ANAPC1: variants seen among roughly 807,000 people sequenced by gnomAD.
The protein encoded by ANAPC1 is anaphase-promoting complex subunit 1.
ANAPC1 carries 36 observed loss-of-function variants against 208.0 expected under a neutral mutation model. The observed-to-expected ratio is 0.17, with a 90% CI of 0.13 to 0.23. The LOEUF is 0.23. Among genes scored for constraint, ANAPC1 ranks in the 10% least tolerant of loss-of-function variants. The pLI, the probability that ANAPC1 is intolerant of heterozygous loss-of-function variation, is 1.00. For synonymous variants in ANAPC1, 378 were observed against 695.2 expected (o/e 0.54, Z 7.18); for missense variants, 942 against 2,011.6 (o/e 0.47, Z 10.17).
chr2:111,801,778 A>G (rs1678456578), intron 33 of ANAPC1, among the ~76,000 whole-genome samples: 1 of 149,160 alleles, frequency 6.7e-6, no homozygotes, highest in African/African-American at 2.5e-5. Context: ...AATATCACCA[A>G]AGTTTAGAGG....
At chr2:111,817,485 G>T (rs921075200) in intron 27 of ANAPC1, among the ~76,000 whole-genome samples, 1 of 151,708 alleles carries the variant, frequency 6.6e-6, no homozygotes, top group East Asian at 1.9e-4. Context: ...TTTGCCATAG[G>T]TGCTTTACCT....
intron 1 of ANAPC1, among the ~76,000 whole-genome samples, chr2:111,883,355 A>C (rs1447960464): frequency 2.6e-5 from 4 of 152,140 alleles, no homozygotes; most frequent in African/African-American, 4.8e-5. Context: ...CAGAATTGTT[A>C]AAGAATTATC....
chr2:111,827,816 C>T (rs1401632602), intron 21 of ANAPC1, among the ~76,000 whole-genome samples: 1 of 151,804 alleles, frequency 6.6e-6, no homozygotes, highest in Non-Finnish European at 1.5e-5. Flanking sequence ...AAACCAAAAA[C>T]GTATCAACAA....
intron 34 of ANAPC1, among the ~76,000 whole-genome samples, chr2:111,798,411 G>A (rs1678266750): frequency 6.6e-6 from 1 of 152,160 alleles, no homozygotes; most frequent in Admixed American, 6.5e-5. Flanking sequence ...CTACATGTCA[G>A]GTCCCAATTA....
At chr2:111,797,642 T>G (rs1678230630) in intron 34 of ANAPC1, among the ~76,000 whole-genome samples, 1 of 152,274 alleles carries the variant, frequency 6.6e-6, no homozygotes, top group African/African-American at 2.4e-5. Context: ...ACAACAAGTA[T>G]AAACCCTAGA....
At chr2:111,845,601 A>G (rs1223038688) in intron 16 of ANAPC1, among the ~76,000 whole-genome samples, 1 of 152,108 alleles carries the variant, frequency 6.6e-6, no homozygotes, top group Non-Finnish European at 1.5e-5. Flanking sequence ...TCATTTATTT[A>G]ATTTATTCCA....
intron 21 of ANAPC1, among the ~76,000 whole-genome samples, chr2:111,828,891 C>T (rs1425079956): frequency 6.6e-6 from 1 of 152,114 alleles, no homozygotes; most frequent in African/African-American, 2.4e-5. Context: ...ACAATGTGAA[C>T]GTATTCAACG....
chr2:111,826,665 ATTTTT>A (rs34574346), intron 21 of ANAPC1, among the ~76,000 whole-genome samples: 9 of 139,276 alleles, frequency 6.5e-5, no homozygotes, highest in African/African-American at 2.4e-4. Context: ...TTATTTATTT[ATTTTT>A]TTTTTTTTTG....
chr2:111,857,371 GA>G (rs1681791592), intron 11 of ANAPC1, among the ~76,000 whole-genome samples: 1 of 152,160 alleles, frequency 6.6e-6, no homozygotes, highest in Admixed American at 6.5e-5. Flanking sequence ...TTCAAAATAT[GA>G]AGGTAAATAA....
chr2:111,861,267 G>A (rs1682049627), intron 10 of ANAPC1, among the ~76,000 whole-genome samples: 1 of 152,084 alleles, frequency 6.6e-6, no homozygotes, highest in African/African-American at 2.4e-5. Flanking sequence ...GTAGACATGG[G>A]GTTTCACCAT....
At chr2:111,822,763 CTT>C (rs1207826423) in intron 24 of ANAPC1, among the ~76,000 whole-genome samples, 163 bp from the exon 25 acceptor site, 1 of 147,754 alleles carries the variant, frequency 6.8e-6, no homozygotes, top group African/African-American at 2.5e-5. Context: ...TAGGAAGTCT[CTT>C]TGAAAGAACT....
At chr2:111,781,348 TA>T (rs1486483387) in intron 43 of ANAPC1, among the ~76,000 whole-genome samples, 1 of 150,636 alleles carries the variant, frequency 6.6e-6, no homozygotes, top group Non-Finnish European at 1.5e-5. Flanking sequence ...AAATTTAAGT[TA>T]AACTGTGTCC....
At chr2:111,801,332 G>A (rs2104558826) in intron 33 of ANAPC1, among the ~76,000 whole-genome samples, 1 of 148,990 alleles carries the variant, frequency 6.7e-6, no homozygotes, top group Non-Finnish European at 1.5e-5. Flanking sequence ...ACTCCAGCCT[G>A]GGCCACAGAG....
rs1680121175 is a variant in ANAPC1, at chr2:111,831,381, T to C, written c.2530A>G (p.Ile844Val). ...PSFFTSEPPS[I>V]YQWVSSCLKG... ...AGACAAGAACTCACCCACTGATAAATACTTGGTGGCTCAGACGTAAAAAAT... is the reference window on the plus strand; with the variant it reads ...AGACAAGAACTCACCCACTGATAAACACTTGGTGGCTCAGACGTAAAAAAT... Residue 844 changes from isoleucine to valine, a missense_variant, in exon 21 of 48, where the codon ATT becomes GTT. Coordinates refer to ENST00000341068, the MANE Select transcript of ANAPC1 (RefSeq NM_022662.4). The C allele has an allele frequency of 6.2e-7, 1 of 1,611,884 alleles. No homozygotes were observed. The highest frequency in any genetic ancestry group is 8.5e-7 in the Non-Finnish European group (1 of 1,179,800).
intron 6 of ANAPC1, among the ~76,000 whole-genome samples, chr2:111,869,870 CCCT>C (rs2104583278): frequency 6.6e-6 from 1 of 152,296 alleles, no homozygotes; most frequent in Non-Finnish European, 1.5e-5. Flanking sequence ...CTTCTTCCCA[CCCT>C]CCTCCTTCTG....
At chr2:111,875,058 G>A (rs1682951552) in intron 3 of ANAPC1, among the ~76,000 whole-genome samples, 1 of 152,186 alleles carries the variant, frequency 6.6e-6, no homozygotes. Context: ...CAATGCACAG[G>A]AGTTCCAATT....
At chr2:111,849,487 T>C (rs1310032620) in intron 14 of ANAPC1, among the ~76,000 whole-genome samples, 1 of 152,220 alleles carries the variant, frequency 6.6e-6, no homozygotes, top group African/African-American at 2.4e-5. Context: ...ATACAACTGA[T>C]AGCACTAACC....
At chr2:111,771,763 C>G (rs1573289187) in intron 47 of ANAPC1, among the ~76,000 whole-genome samples, 4 of 151,634 alleles carry the variant, frequency 2.6e-5, no homozygotes, top group African/African-American at 9.6e-5. Flanking sequence ...ATGGAACAAT[C>G]TTTGCCCTTA....
Position 111,821,718 on chromosome 2 carries a change from G to A in ANAPC1, c.2992-265C>T, listed in dbSNP as rs553562642. The A allele has an allele frequency of 6.9e-5, 29 of 422,214 alleles. No individual in the cohort carries two copies. In the Admixed American group the frequency reaches 8.3e-4, roughly 12 times the overall value. The allele number at this position is 422,214 out of a possible 1,614,324, so 26.2% of individuals were successfully genotyped here. A position where few individuals can be genotyped will look rare whatever the true frequency, so the allele number is the denominator to read the frequency against. On this transcript the variant is annotated intron_variant, in intron 25 of 47. Transcript: ENST00000341068. Reference sequence around the variant, plus strand: ...GGAGGCCGAGGTGGGCGGATCACCCGAGGCCAGGGGTTCCAGACCAGCCTG... The same window carrying A: ...GGAGGCCGAGGTGGGCGGATCACCCAAGGCCAGGGGTTCCAGACCAGCCTG...
Sources: gnomAD v4.1 joint callset for allele counts (sites outside exome capture counted in the v4.1 genomes callset) on GRCh38, gnomAD v4.1.1 for gene constraint, MANE v1.5 for transcripts, NCBI Gene and HGNC (gene_info 2026-07-23, HGNC 2026-07-21) for gene names.